The following PBX1 variants were observed in gnomAD, a reference collection of about 807,000 sequenced individuals.
PBX1 encodes the protein pre-B-cell leukemia transcription factor 1.
A neutral mutation model predicts 53.4 loss-of-function variants in PBX1; 6 were observed. The ratio of observed to expected loss-of-function variants is 0.11; its 90% CI spans 0.06 to 0.22. The LOEUF (loss-of-function observed/expected upper bound fraction) is 0.22, where lower values mean the gene tolerates loss of function less well. PBX1 is among the 10% of genes least tolerant of loss of function. The pLI is 1.00. For missense variants in PBX1, 251 were observed against 551.4 expected, an observed-to-expected ratio of 0.46 and a Z score of 5.46; for synonymous variants, 204 against 212.3, an observed-to-expected ratio of 0.96 and a Z score of 0.34.
chr1:164,631,572 C>A (rs1658413235), intron 2 of PBX1, among the ~76,000 whole-genome samples: 2 of 152,192 alleles, frequency 1.3e-5, no homozygotes, highest in South Asian at 4.1e-4. Context: ...TGGAGAAGCT[C>A]ATTTCTGCTT....
chr1:164,863,497 C>T (rs1672144432), intron 2 of PBX1, among the ~76,000 whole-genome samples: 1 of 152,076 alleles, frequency 6.6e-6, no homozygotes, highest in South Asian at 2.1e-4. Flanking sequence ...GTGGGGGTAT[C>T]TAATATCAAT....
chr1:164,713,495 A>G (rs562848346), intron 2 of PBX1, among the ~76,000 whole-genome samples: 7 of 152,298 alleles, frequency 4.6e-5, no homozygotes, highest in African/African-American at 1.4e-4. Context: ...AAACCTTCCT[A>G]TCTTAAAGTA....
At chr1:164,760,373 C>T (rs1194992222) in intron 2 of PBX1, among the ~76,000 whole-genome samples, 4 of 151,846 alleles carry the variant, frequency 2.6e-5, no homozygotes, top group Admixed American at 2.0e-4. Flanking sequence ...CCCTCCCTTC[C>T]TCCCTCCCAC....
intron 2 of PBX1, among the ~76,000 whole-genome samples, chr1:164,658,712 A>G (rs2101941362): frequency 6.6e-6 from 1 of 152,338 alleles, no homozygotes; most frequent in South Asian, 2.1e-4. Context: ...TCAGATTATT[A>G]ATCTGTAAAA....
chr1:164,628,609 A>T (rs1354942727), intron 2 of PBX1, among the ~76,000 whole-genome samples: 1 of 152,180 alleles, frequency 6.6e-6, no homozygotes, highest in African/African-American at 2.4e-5. Flanking sequence ...TAAATTAAGG[A>T]TATTGGTAAA....
intron 2 of PBX1, among the ~76,000 whole-genome samples, chr1:164,688,825 T>C (rs767778637): frequency 6.6e-6 from 1 of 152,244 alleles, no homozygotes; most frequent in African/African-American, 2.4e-5. Flanking sequence ...TGAACTCTTC[T>C]TTGCACACAG....
At chr1:164,858,870 C>T (rs1466782979) in intron 2 of PBX1, among the ~76,000 whole-genome samples, 1 of 152,094 alleles carries the variant, frequency 6.6e-6, no homozygotes, top group Non-Finnish European at 1.5e-5. Flanking sequence ...TCATACGTGC[C>T]GTGTACTTTC....
intron 8 of PBX1, among the ~76,000 whole-genome samples, chr1:164,841,588 C>T (rs1447518228): frequency 3.9e-5 from 6 of 152,262 alleles, no homozygotes; most frequent in South Asian, 2.1e-4. Flanking sequence ...AATCTTTTGA[C>T]GTCCCTAAGG....
At chr1:164,667,922 G>C (rs1660898092) in intron 2 of PBX1, among the ~76,000 whole-genome samples, 1 of 152,184 alleles carries the variant, frequency 6.6e-6, no homozygotes, top group Non-Finnish European at 1.5e-5. Flanking sequence ...CAGGCAGTGA[G>C]CTACGGGAGG....
At chr1:164,794,728 T>C (rs941070348) in intron 3 of PBX1, among the ~76,000 whole-genome samples, 2 of 152,216 alleles carry the variant, frequency 1.3e-5, no homozygotes, top group African/African-American at 4.8e-5. Context: ...CGCTGACCTC[T>C]TGGATTCTTA....
At chr1:164,625,809 TA>T (rs200931470) in intron 2 of PBX1, 73,070 of 286,512 alleles carry the variant, frequency 0.26, 3,168 homozygotes, top group East Asian at 0.41. Context: ...TGATGGGATT[TA>T]AAAAAAAAAA....
At chr1:164,625,809 TAAAAAA>T in intron 2 of PBX1, 1 of 287,932 alleles carries the variant, frequency 3.5e-6, no homozygotes, top group Non-Finnish European at 5.2e-6. Flanking sequence ...TGATGGGATT[TAAAAAA>T]AAAAAAAAAG....
chr1:164,637,623 T>C (rs1013523230), intron 2 of PBX1, among the ~76,000 whole-genome samples: 2 of 152,136 alleles, frequency 1.3e-5, no homozygotes, highest in African/African-American at 2.4e-5. Context: ...GAGTGACAGA[T>C]TGTGACCAAT....
chr1:164,826,472 T>G (rs985434642), intron 8 of PBX1, among the ~76,000 whole-genome samples: 1 of 152,140 alleles, frequency 6.6e-6, no homozygotes, highest in Non-Finnish European at 1.5e-5. Context: ...TGGTGTGATC[T>G]CAGCTCACTG....
rs369573769 is a variant in PBX1 at position 164,719,695 on chromosome 1, A to T, written c.266-72799A>T. Among the ~76,000 whole-genome samples, 7 of 151,540 alleles carry T rather than the reference A, an allele frequency of 4.6e-5. No homozygotes were observed. In the East Asian group the frequency reaches 5.9e-4, roughly 13 times the overall value. On this transcript the variant is annotated intron_variant, in intron 2 of 8. Transcript: ENST00000420696. ...AATGTTGTTTTTGTCTTATCCAATG[A>T]ATATACCCACATTGGCACACTCTTT...
chr1:164,695,168 A>G (rs1303667308), intron 2 of PBX1, among the ~76,000 whole-genome samples: 1 of 152,250 alleles, frequency 6.6e-6, no homozygotes, highest in Non-Finnish European at 1.5e-5. Flanking sequence ...AAGTCAAATT[A>G]TCACCATATA....
At chr1:164,619,006 A>G (rs542425942) in intron 2 of PBX1, among the ~76,000 whole-genome samples, 2 of 152,322 alleles carry the variant, frequency 1.3e-5, no homozygotes, top group South Asian at 4.1e-4. Context: ...CTGGGATTCA[A>G]ATGAAATGGG....
chr1:164,785,740 C>A (rs1049434382), intron 2 of PBX1, among the ~76,000 whole-genome samples: 3 of 152,196 alleles, frequency 2.0e-5, no homozygotes, highest in Non-Finnish European at 2.9e-5. Flanking sequence ...TGTTTGATTG[C>A]ACTGAGCGTT....
intron 2 of PBX1, among the ~76,000 whole-genome samples, chr1:164,656,202 A>G (rs575505613): frequency 6.6e-6 from 1 of 152,352 alleles, no homozygotes; most frequent in Middle Eastern, 3.4e-3. Context: ...CCACATAAAT[A>G]TTGGTCTAAT....
Sources: gnomAD v4.1 joint callset for allele counts (sites outside exome capture counted in the v4.1 genomes callset) on GRCh38, gnomAD v4.1.1 for gene constraint, MANE v1.5 for transcripts, NCBI Gene and HGNC (gene_info 2026-07-23, HGNC 2026-07-21) for gene names.